The following RIC1 variants were observed in gnomAD, a reference collection of about 807,000 sequenced individuals.
The protein encoded by RIC1 is guanine nucleotide exchange factor subunit RIC1.
A neutral mutation model predicts 169.0 loss-of-function variants in RIC1; 88 were observed. The ratio of observed to expected loss-of-function variants is 0.52; its 90% CI spans 0.44 to 0.62. RIC1 has a LOEUF of 0.62. Ranked by LOEUF, RIC1 falls within the 20% of genes least tolerant of loss-of-function variation. The pLI is 0.00. For missense variants in RIC1, 1,877 were observed against 1,725.5 expected, an observed-to-expected ratio of 1.09 and a Z score of -1.56; for synonymous variants, 790 against 601.5, an observed-to-expected ratio of 1.31 and a Z score of -4.59.
chr9:5,767,590 G>C (rs550510318), intron 21 of RIC1, among the ~76,000 whole-genome samples: 1 of 151,700 alleles, frequency 6.6e-6, no homozygotes, highest in African/African-American at 2.4e-5. Flanking sequence ...GTTTTACTGG[G>C]TTTTTTTGTT....
intron 1 of RIC1, among the ~76,000 whole-genome samples, chr9:5,641,744 C>T (rs1180998724): frequency 1.6e-5 from 2 of 128,222 alleles, no homozygotes. Context: ...TTGCATTTTT[C>T]AACTTTAGAA....
intron 8 of RIC1, among the ~76,000 whole-genome samples, chr9:5,740,638 A>C (rs1280879667): frequency 6.6e-6 from 1 of 150,950 alleles, no homozygotes; most frequent in Non-Finnish European, 1.5e-5. Flanking sequence ...CACGAGATGT[A>C]GGCTGGGGGG....
chr9:5,705,539 C>G (rs1255019782), intron 3 of RIC1, among the ~76,000 whole-genome samples: 1 of 152,062 alleles, frequency 6.6e-6, no homozygotes, highest in East Asian at 1.9e-4. Context: ...TCTGTGGATT[C>G]TTTAGAATTT....
At chr9:5,656,118 C>T (rs990693070) in intron 1 of RIC1, among the ~76,000 whole-genome samples, 1 of 152,168 alleles carries the variant, frequency 6.6e-6, no homozygotes, top group Non-Finnish European at 1.5e-5. Flanking sequence ...GATCCGCCCA[C>T]CATGGCCTCC....
intron 7 of RIC1, among the ~76,000 whole-genome samples, chr9:5,734,925 T>A (rs1824608029): frequency 6.6e-6 from 1 of 152,226 alleles, no homozygotes; most frequent in African/African-American, 2.4e-5. Context: ...TGGAATATCT[T>A]TATCACATGA....
chr9:5,688,020 G>T (rs1302851012), intron 2 of RIC1, among the ~76,000 whole-genome samples: 3 of 151,944 alleles, frequency 2.0e-5, no homozygotes, highest in East Asian at 1.9e-4. Context: ...TTTCATCTCA[G>T]ATATTTTAGT....
chr9:5,721,713 A>G (rs190647019), intron 6 of RIC1, among the ~76,000 whole-genome samples: 326 of 152,020 alleles, frequency 2.1e-3, no homozygotes, highest in African/African-American at 7.5e-3. Context: ...CAGTATAATT[A>G]TTTTTCCTTT....
chr9:5,691,057 C>G (rs1248329103), intron 3 of RIC1, among the ~76,000 whole-genome samples: 2 of 151,892 alleles, frequency 1.3e-5, no homozygotes, highest in Non-Finnish European at 2.9e-5. Flanking sequence ...GTGTTGCACA[C>G]TTCTGATACA....
At chr9:5,765,977 A>C (rs1007885415) in intron 21 of RIC1, among the ~76,000 whole-genome samples, 179 bp downstream of exon 21, 1 of 152,068 alleles carries the variant, frequency 6.6e-6, no homozygotes, top group Admixed American at 6.6e-5. Flanking sequence ...TCCCAAGTTC[A>C]CTTCAGCACC....
Position 5,629,395 on chromosome 9 carries a change from C to G in RIC1, c.86C>G (p.Pro29Arg), listed in dbSNP as rs1586846383. 4 of 1,534,556 alleles carry G rather than the reference C, an allele frequency of 2.6e-6. No individual in the cohort carries two copies. The highest frequency in any genetic ancestry group is 3.5e-6 in the Non-Finnish European group (4 of 1,146,270). ...GCGCCTTTCCACGTTCAGTCCGACC[C>G]GCAGAGGGCTTTCTTCGCCGTGCTG... ...AEAPFHVQSD[P>R]QRAFFAVLAA... Residue 29 changes from proline to arginine, a missense_variant, in exon 1 of 26, where the codon CCG (proline) becomes CGG (arginine). Pro to Arg is a moderately radical substitution (Grantham distance 103). This residue lies in a region of RIC1 where 1,104 missense variants were observed against 992.0 expected (regional missense o/e 1.11). Transcript: ENST00000414202.
intron 2 of RIC1, among the ~76,000 whole-genome samples, chr9:5,677,186 T>TGGTAG (rs1820501789): frequency 6.6e-6 from 1 of 152,232 alleles, no homozygotes; most frequent in African/African-American, 2.4e-5. Context: ...TGCCAACATG[T>TGGTAG]GGTAGGGTAT....
chr9:5,687,578 G>C (rs1256736024), intron 2 of RIC1, among the ~76,000 whole-genome samples: 1 of 152,012 alleles, frequency 6.6e-6, no homozygotes, highest in Non-Finnish European at 1.5e-5. Context: ...TGATTCATGG[G>C]TTATTTAGAA....
In RIC1 at chr9:5,655,177, C is replaced by T. The variant is rs900836239; in HGVS notation, c.145-1406C>T. ...CTTGTTCCTGATCTTAGCAGGAAAG[C>T]GTTGAGCTGTAGGTTTCTCATAGAT... On this transcript the variant is annotated intron_variant, in intron 1 of 25. Coordinates refer to ENST00000414202, the MANE Select transcript of RIC1 (RefSeq NM_020829.4). Among the ~76,000 whole-genome samples, 9 of 152,244 alleles carry T rather than the reference C, an allele frequency of 5.9e-5. No homozygotes were observed. The East Asian group carries it at 7.7e-4, about 13-fold the overall frequency.
rs192134560 is a variant in RIC1, at chr9:5,724,858, G to A, written c.720+4108G>A. 1.8e-3 allele frequency among the ~76,000 whole-genome samples: 270 copies of A among 152,174 alleles called. 1 individual carries two copies. The highest frequency in any genetic ancestry group is 6.8e-3 in the Middle Eastern group (2 of 294). ...GGTTCTGTTTATATGCTGTATTACC[G>A]TTATTGATTTTCGTATCTTGAACCA... On this transcript the variant is annotated intron_variant, in intron 6 of 25. Coordinates refer to ENST00000414202, the MANE Select transcript of RIC1 (RefSeq NM_020829.4).
At chr9:5,695,932 C>G (rs1056465031) in intron 3 of RIC1, among the ~76,000 whole-genome samples, 2 of 150,844 alleles carry the variant, frequency 1.3e-5, no homozygotes, top group Non-Finnish European at 2.9e-5. Flanking sequence ...CCTGCCAAGC[C>G]AAACATGCTA....
downstream of RIC1, among the ~76,000 whole-genome samples, chr9:5,778,119 G>A (rs549375926): frequency 6.6e-6 from 1 of 152,022 alleles, no homozygotes; most frequent in African/African-American, 2.4e-5. Flanking sequence ...GGTTTTTAAT[G>A]TCTTTTAACA....
chr9:5,712,527 G>T (rs138680537), intron 3 of RIC1, among the ~76,000 whole-genome samples: 1,721 of 152,256 alleles, frequency 0.011, 41 homozygotes, highest in African/African-American at 0.04. Flanking sequence ...AGTGGGCAAA[G>T]GATATGAACA....
At chr9:5,753,136 C>T (rs1825818657) in intron 12 of RIC1, 64 bp from the exon 13 acceptor site, 2 of 1,426,400 alleles carry the variant, frequency 1.4e-6, no homozygotes. Context: ...AGTGTGATAA[C>T]TTAATGCTTT....
At chr9:5,663,772 C>G (rs936424848) in intron 2 of RIC1, among the ~76,000 whole-genome samples, 11 of 152,106 alleles carry the variant, frequency 7.2e-5, no homozygotes, top group African/African-American at 2.7e-4. Flanking sequence ...GCTTGCCATT[C>G]TGTGTCTTTT....
Sources: allele counts gnomAD v4.1 joint callset (sites outside exome capture counted in the v4.1 genomes callset), GRCh38; gene constraint gnomAD v4.1.1; regional missense constraint gnomAD v4.1.1; transcripts MANE v1.5; gene names NCBI Gene and HGNC (gene_info 2026-07-23, HGNC 2026-07-21).